Variants in HNRNPK observed in about 807,000 individuals in gnomAD.
The protein encoded by HNRNPK is heterogeneous nuclear ribonucleoprotein K.
In HNRNPK, 7 loss-of-function variants were observed where a neutral mutation model predicts 67.0. The ratio of observed to expected loss-of-function variants is 0.10; its 90% CI spans 0.06 to 0.20. The LOEUF (loss-of-function observed/expected upper bound fraction) is 0.20. Ranked by LOEUF, HNRNPK falls within the 10% of genes least tolerant of loss-of-function variation. HNRNPK has a pLI of 1.00. For missense variants in HNRNPK, 264 were observed against 606.5 expected, an observed-to-expected ratio of 0.44 and a Z score of 5.93; for synonymous variants, 213 against 193.7, an observed-to-expected ratio of 1.10 and a Z score of -0.83.
At chr9:83,972,696 T>C (rs1956906241) in intron 10 of HNRNPK, 148 bp downstream of exon 10, 1 of 549,094 alleles carries the variant, frequency 1.8e-6, no homozygotes, top group African/African-American at 1.9e-5. Context: ...ATTTTTAAAT[T>C]AAAGTGATGG....
At position 83,972,970 on chromosome 9, in the gene HNRNPK, G is replaced by T; in HGVS notation, c.519C>A (p.Asn173Lys). ...KGAKIKELRE[N>K]TQTTIKLFQE... ...GGAAAAGCTTGATGGTGGTTTGAGT[G>T]TTCTGTAGTAAGATCATAAAAAAAA... is the stretch of plus-strand genomic sequence containing the variant. The change falls in exon 10 of 17, where the codon AAC (asparagine) becomes AAA (lysine). Residue 173 changes from asparagine (N) to lysine (K), a missense_variant and splice_region_variant. Physicochemically the swap from Asn to Lys is moderately conservative, Grantham distance 94. Transcript: ENST00000376263. 1 of 1,597,618 alleles carries T rather than the reference G, an allele frequency of 6.3e-7. No homozygotes were observed. The highest frequency in any genetic ancestry group is 8.6e-7 in the Non-Finnish European group (1 of 1,168,816).
At chr9:83,977,978 G>A (rs545895598) in intron 3 of HNRNPK, among the ~76,000 whole-genome samples, 192 bp from the exon 4 acceptor site, 2 of 152,060 alleles carry the variant, frequency 1.3e-5, no homozygotes, top group East Asian at 1.9e-4. Flanking sequence ...ATACTTCAAA[G>A]GATTTGAAAT....
In HNRNPK at chr9:83,972,824, C is replaced by G; in HGVS notation, c.645+20G>C. On this transcript the variant is annotated intron_variant, in intron 10 of 16. Coordinates refer to ENST00000376263, the MANE Select transcript of HNRNPK (RefSeq NM_031263.4). ...TTTGTTTCATAAAATCAAATGTAAA[C>G]AAAAAGTGTTCTGAAGTACCTCAGA... 1 of 1,560,204 alleles carries G rather than the reference C, an allele frequency of 6.4e-7. No homozygotes were observed. The highest frequency in any genetic ancestry group is 1.4e-5 in the African/African-American group (1 of 72,482).
chr9:83,976,853 G>C (rs9987602), intron 5 of HNRNPK, 142 bp downstream of exon 5: 2 of 528,738 alleles, frequency 3.8e-6, no homozygotes, highest in East Asian at 6.2e-5. Context: ...GGATAACTTC[G>C]AAATCAATTC....
At chr9:83,973,494 G>A in intron 8 of HNRNPK, 95 bp from the exon 9 acceptor site, 2 of 742,502 alleles carry the variant, frequency 2.7e-6, no homozygotes, top group Non-Finnish European at 4.8e-6. Flanking sequence ...TACTGTTGCA[G>A]TGAGCAACCT....
rs768248233 is a variant in HNRNPK at position 83,970,346 on chromosome 9, T to A, written c.1192-15A>T. 16 of 1,601,302 alleles carry A rather than the reference T, an allele frequency of 1.0e-5. No individual in the cohort carries two copies. In the East Asian group the frequency reaches 3.1e-4, roughly 31 times the overall value. On this transcript the variant is annotated splice_polypyrimidine_tract_variant and intron_variant, in intron 15 of 16. Transcript: ENST00000376263. ...GATCCAGCCAACTGAAAAGATTTTT[T>A]AAAAGTATGTGTTTACGATATACTT...
rs1404970985 is a variant in HNRNPK at position 83,968,920 on chromosome 9, A to C, written c.*487T>G. The C allele has an allele frequency of 1.3e-5, 2 of 157,116 alleles. No individual in the cohort carries two copies. The highest frequency in any genetic ancestry group is 2.0e-4 in the South Asian group (1 of 4,884). 9.7% of individuals were successfully genotyped at this position (157,116 alleles called of 1,614,324 possible). On this transcript the variant is annotated 3_prime_UTR_variant, in exon 17 of 17. Coordinates refer to ENST00000376263, the MANE Select transcript of HNRNPK (RefSeq NM_031263.4). The stretch of plus-strand genomic sequence containing the variant: ...ATGACCACCAAAAATAGGTTCACTA[A>C]ATTTATTTTAAAAATCATAAAACGT...
intron 15 of HNRNPK, 42 bp from the exon 16 acceptor site, chr9:83,970,373 T>G: frequency 7.1e-7 from 1 of 1,410,014 alleles, no homozygotes; most frequent in East Asian, 2.3e-5. Flanking sequence ...GATATACTTT[T>G]AACATTTACT....
intron 2 of HNRNPK, 45 bp downstream of exon 2, chr9:83,978,328 C>T: frequency 1.6e-6 from 2 of 1,279,372 alleles, no homozygotes; most frequent in Non-Finnish European, 2.0e-6. Flanking sequence ...GGAAAGCAAG[C>T]TGTAAAAAAA....
At chr9:83,970,679 A>G in intron 15 of HNRNPK, 58 bp downstream of exon 15, 1 of 1,107,264 alleles carries the variant, frequency 9.0e-7, no homozygotes, top group Non-Finnish European at 1.4e-6. Flanking sequence ...AAATATACAG[A>G]AAGGAGGAAT....
chr9:83,976,490 G>A (rs1957069128), intron 5 of HNRNPK: 1 of 152,314 alleles, frequency 6.6e-6, no homozygotes, highest in Non-Finnish European at 1.5e-5. Context: ...ATAAGATTAA[G>A]TGCCTACTCT....
At chr9:83,975,735 G>A in intron 5 of HNRNPK, 2 of 578,534 alleles carry the variant, frequency 3.5e-6, no homozygotes, top group South Asian at 2.1e-5. Flanking sequence ...ACAAGGAGAG[G>A]GAAAAGGGGG....
At chr9:83,969,783 T>C (rs1419148287) in intron 16 of HNRNPK, 3 of 641,266 alleles carry the variant, frequency 4.7e-6, no homozygotes, top group South Asian at 2.8e-5. Flanking sequence ...TGGCAGACTG[T>C]GATTTGTTGT....
In HNRNPK at chr9:83,978,656, G is replaced by T. The variant is rs147590622; in HGVS notation, c.-107-204C>A. On this transcript the variant is annotated intron_variant, in intron 1 of 16. Transcript: ENST00000376263. ...CCTGGTTTCATTTTTTGCTAAGTTA[G>T]AACAATAACTTTTAGCCACTGGATT... Among the ~76,000 whole-genome samples the T allele has an allele frequency of 2.0e-5, 3 of 152,204 alleles. No homozygotes were observed. The East Asian group carries it at 5.8e-4, about 29-fold the overall frequency.
At chr9:83,974,358 A>C (rs1490936271) in intron 7 of HNRNPK, among the ~76,000 whole-genome samples, 159 bp downstream of exon 7, 1 of 151,670 alleles carries the variant, frequency 6.6e-6, no homozygotes, top group Non-Finnish European at 1.5e-5. Flanking sequence ...AAAAAAAAAA[A>C]ACAAATTACG....
rs1228744483 is a variant in HNRNPK at position 83,973,349 on chromosome 9, A to T, written c.453T>A (p.Ile151=). 1 of 1,611,636 alleles carries T rather than the reference A, an allele frequency of 6.2e-7. No individual in the cohort carries two copies. The highest frequency in any genetic ancestry group is 1.7e-5 in the Admixed American group (1 of 60,020). Residue 151 remains isoleucine, a synonymous_variant, in exon 9 of 17, where the codon ATT becomes ATA. Coordinates refer to ENST00000376263, the MANE Select transcript of HNRNPK (RefSeq NM_031263.4). ...TAATTCCTCCTGCTAGACTCTGATG[A>T]ATCAACAGCCTCAACTCGCAGTCAA... ...SDFDCELRLL[I]HQSLAGGIIG...
In HNRNPK at chr9:83,968,885, T is replaced by TA. The variant is rs953465495; in HGVS notation, c.*521dup. ...AGCCACCATTTTAAAATGACTGTCT[T>TA]AAAAAAAAAATGACCACCAAAAATA... On this transcript the variant is annotated 3_prime_UTR_variant, in exon 17 of 17. Coordinates refer to ENST00000376263, the MANE Select transcript of HNRNPK (RefSeq NM_031263.4). The TA allele has an allele frequency of 6.2e-4, 94 of 151,086 alleles. No individual in the cohort carries two copies. The highest frequency in any genetic ancestry group is 6.1e-3 in the South Asian group (29 of 4,782). 9.4% of individuals were successfully genotyped at this position (151,086 alleles called of 1,614,324 possible). A position where few individuals can be genotyped will look rare whatever the true frequency, so the allele number is the denominator to read the frequency against.
At chr9:83,976,667 T>C (rs1265917672) in intron 5 of HNRNPK, 2 of 202,302 alleles carry the variant, frequency 9.9e-6, no homozygotes, top group East Asian at 2.2e-4. Flanking sequence ...TGTAATTGAT[T>C]CACACACAGG....
At chr9:83,969,639 T>A (rs545771418) in intron 16 of HNRNPK, 199 bp from the exon 17 acceptor site, 33 of 617,620 alleles carry the variant, frequency 5.3e-5, no homozygotes, top group East Asian at 1.1e-4. Flanking sequence ...CGGACATTAG[T>A]AGAACAGAAT....
Sources: gnomAD v4.1 joint callset for allele counts (sites outside exome capture counted in the v4.1 genomes callset) on GRCh38, gnomAD v4.1.1 for gene constraint, MANE v1.5 for transcripts, NCBI Gene and HGNC (gene_info 2026-07-23, HGNC 2026-07-21) for gene names.